ZNF595: variants seen among roughly 807,000 people sequenced by gnomAD.
The protein encoded by ZNF595 is zinc finger protein 595.
In ZNF595, 9 loss-of-function variants were observed where a neutral mutation model predicts 19.4. The observed-to-expected ratio is 0.46, with a 90% CI of 0.28 to 0.81. ZNF595 has a LOEUF of 0.81. Ranked by LOEUF, ZNF595 falls within the 30% of genes least tolerant of loss-of-function variation. The probability of loss-of-function intolerance (pLI) is 0.11; values close to 1 mark genes in which losing one functional copy is unlikely to be tolerated. For synonymous variants in ZNF595, 255 were observed against 255.9 expected, an observed-to-expected ratio of 1.00 and a Z score of 0.03; for missense variants, 729 against 736.0, an observed-to-expected ratio of 0.99 and a Z score of 0.11.
chr4:69,569 G>T (rs60903433), intron 3 of ZNF595, among the ~76,000 whole-genome samples: 3 of 151,954 alleles, frequency 2.0e-5, no homozygotes, highest in Admixed American at 6.6e-5. Context: ...AACGTTCTTT[G>T]CACATTCATA....
chr4:80,953 G>A (rs1713883777), intron 3 of ZNF595, among the ~76,000 whole-genome samples: 1 of 152,106 alleles, frequency 6.6e-6, no homozygotes, highest in Non-Finnish European at 1.5e-5. Flanking sequence ...CACTCATTAG[G>A]TATTTGTCCT....
At position 87,563 on chromosome 4, in the gene ZNF595, T is replaced by G. The variant is rs1049186029; in HGVS notation, c.*112T>G. 1 of 1,018,070 alleles carries G rather than the reference T, an allele frequency of 9.8e-7. No homozygotes were observed. Among genetic ancestry groups the G allele is most frequent in the Non-Finnish European group, 1.4e-6 (1 of 733,350 alleles). The allele number at this position is 1,018,070 out of a possible 1,614,324, so 63.1% of individuals were successfully genotyped here. The stretch of plus-strand genomic sequence containing the variant: ...TTTCTTATTTTAAATTTTTTAAAAT[T>G]TCTGTAGGTACATAGTATGTGTATC... On this transcript the variant is annotated 3_prime_UTR_variant, in exon 4 of 4. Coordinates refer to ENST00000610261, the MANE Select transcript of ZNF595 (RefSeq NM_182524.4).
At chr4:74,819 G>A (rs1314200910) in intron 3 of ZNF595, among the ~76,000 whole-genome samples, 2 of 152,168 alleles carry the variant, frequency 1.3e-5, no homozygotes, top group South Asian at 2.1e-4. Flanking sequence ...GCGGAGAGGT[G>A]ACTGAATAGA....
At chr4:69,261 G>A (rs184874875) in intron 3 of ZNF595, among the ~76,000 whole-genome samples, 1 of 152,250 alleles carries the variant, frequency 6.6e-6, no homozygotes, top group East Asian at 1.9e-4. Flanking sequence ...TACATACCTA[G>A]GAATGGGATT....
intron 3 of ZNF595, among the ~76,000 whole-genome samples, chr4:60,785 C>A (rs1712821211): frequency 6.6e-6 from 1 of 152,292 alleles, no homozygotes; most frequent in Non-Finnish European, 1.5e-5. Flanking sequence ...TTTATCAGAA[C>A]AATAAGCGTT....
intron 3 of ZNF595, among the ~76,000 whole-genome samples, chr4:66,717 G>T (rs1247352095): frequency 6.6e-6 from 1 of 152,174 alleles, no homozygotes; most frequent in Non-Finnish European, 1.5e-5. Context: ...TTATTGTGTG[G>T]TTATAGCAAC....
intron 3 of ZNF595, among the ~76,000 whole-genome samples, chr4:73,624 A>G (rs1581376068): frequency 6.6e-6 from 1 of 152,312 alleles, no homozygotes; most frequent in East Asian, 1.9e-4. Context: ...TATAACTACC[A>G]AGATTCACTA....
intron 1 of ZNF595, among the ~76,000 whole-genome samples, chr4:59,159 AGTTCACCCTTTGTTCAAGGAG>A: frequency 6.6e-6 from 1 of 151,932 alleles, no homozygotes; most frequent in South Asian, 2.1e-4. Flanking sequence ...ATGAGACGTG[AGTTCACCCTTTGTTCAAGGAG>A]GTCACAGGAC....
chr4:66,378 T>C (rs1199201715), intron 3 of ZNF595, among the ~76,000 whole-genome samples: 1 of 151,502 alleles, frequency 6.6e-6, no homozygotes, highest in Non-Finnish European at 1.5e-5. Context: ...CTGTCAAATA[T>C]ATGTATATTT....
Position 87,301 on chromosome 4 carries a change from A to C in ZNF595, c.1797A>C (p.Lys599Asn), listed in dbSNP as rs1272598241. The change falls in exon 4 of 4, where the codon AAA becomes AAC. Residue 599 changes from lysine to asparagine, a missense_variant. Coordinates refer to ENST00000610261, the MANE Select transcript of ZNF595 (RefSeq NM_182524.4). Reference protein sequence around the residue: ...EKPFTCEECGKAFNWSSSLTK... With the variant: ...EKPFTCEECGNAFNWSSSLTK... ...CCTTCACATGTGAAGAATGTGGCAAAGCCTTCAATTGGTCCTCATCCCTTA... is the reference window on the plus strand; with the variant it reads ...CCTTCACATGTGAAGAATGTGGCAACGCCTTCAATTGGTCCTCATCCCTTA... The C allele has an allele frequency of 6.2e-7, 1 of 1,613,744 alleles. No individual in the cohort carries two copies. Among genetic ancestry groups the C allele is most frequent in the Non-Finnish European group, 8.5e-7 (1 of 1,179,798 alleles).
At chr4:73,650 TC>T (rs1476482709) in intron 3 of ZNF595, among the ~76,000 whole-genome samples, 2 of 152,206 alleles carry the variant, frequency 1.3e-5, no homozygotes, top group Non-Finnish European at 1.5e-5. Flanking sequence ...CCTCCTCTTT[TC>T]CCGCACTTTC....
rs984705585 is a variant in ZNF595 at position 87,723 on chromosome 4, T to C, written c.*272T>C. The C allele has an allele frequency of 1.0e-5, 2 of 198,124 alleles. No homozygotes were observed. The highest frequency in any genetic ancestry group is 4.9e-5 in the African/African-American group (2 of 41,192). 12.3% of individuals were successfully genotyped at this position (198,124 alleles called of 1,614,324 possible). A position where few individuals can be genotyped will look rare whatever the true frequency, so the allele number is the denominator to read the frequency against. Reference sequence around the variant, plus strand: ...TCCAGTTATACACTTTAATTTTTTTTTTTTTTTTTTTTTTTGAGACAGAGT... The same window carrying C: ...TCCAGTTATACACTTTAATTTTTTTCTTTTTTTTTTTTTTTGAGACAGAGT... On this transcript the variant is annotated 3_prime_UTR_variant, in exon 4 of 4. Coordinates refer to ENST00000610261, the MANE Select transcript of ZNF595 (RefSeq NM_182524.4).
intron 1 of ZNF595, among the ~76,000 whole-genome samples, chr4:55,290 CTATGAGAAT>C (rs1581310276): frequency 6.6e-6 from 1 of 151,954 alleles, no homozygotes; most frequent in Non-Finnish European, 1.5e-5. Context: ...CCTCAGGTGC[CTATGAGAAT>C]TCAGACGTTA....
rs1487326235 is a variant in ZNF595, at chr4:66,312, C to G, written c.226+6159C>G. 2.7e-4 allele frequency among the ~76,000 whole-genome samples: 40 copies of G among 150,208 alleles called. No homozygotes were observed. The South Asian group carries it at 3.6e-3, about 14-fold the overall frequency. On this transcript the variant is annotated intron_variant, in intron 3 of 3. Coordinates refer to ENST00000610261, the MANE Select transcript of ZNF595 (RefSeq NM_182524.4). ...TTGGAGAAACATTTTCATCTCTTGT[C>G]TATTAGTCATGTAACTTTTTGTTTT...
In ZNF595 at chr4:86,281, A is replaced by G; in HGVS notation, c.777A>G (p.Glu259=). Reference sequence around the variant, plus strand: ...CTGGAGAGAAACCCTACAAATGTGAAGAATGTGGCAAAGCCTTTACAAGGT... The same window carrying G: ...CTGGAGAGAAACCCTACAAATGTGAGGAATGTGGCAAAGCCTTTACAAGGT... ...IHTGEKPYKC[E]ECGKAFTRST... Residue 259 remains glutamate, a synonymous_variant, in exon 4 of 4, where the codon GAA becomes GAG. Coordinates refer to ENST00000610261, the MANE Select transcript of ZNF595 (RefSeq NM_182524.4). 2 of 1,611,856 alleles carry G rather than the reference A, an allele frequency of 1.2e-6. No individual in the cohort carries two copies. Among genetic ancestry groups the G allele is most frequent in the South Asian group, 2.2e-5 (2 of 91,010 alleles).
At chr4:68,403 A>G (rs1713277848) in intron 3 of ZNF595, 1 of 152,370 alleles carries the variant, frequency 6.6e-6, no homozygotes, top group Admixed American at 6.5e-5. Context: ...GGAGGAGGTC[A>G]GGCTGCGCTG....
rs1560096082 is a variant in ZNF595, at chr4:87,071, CTTA to C, written c.1572_1574del (p.Ile525del). On this transcript the variant is annotated inframe_deletion, in exon 4 of 4. Coordinates refer to ENST00000610261, the MANE Select transcript of ZNF595 (RefSeq NM_182524.4). ...CAAAGCTTTTAACCAATCCTCAGGC[CTTA>C]TTATACACAGGAGCATTCATTCTGA... is the stretch of plus-strand genomic sequence containing the variant. 3.7e-6 allele frequency: 6 copies of C among 1,613,688 alleles called. No individual in the cohort carries two copies. The highest frequency in any genetic ancestry group is 2.7e-5 in the African/African-American group (2 of 74,812).
chr4:71,508 G>T (rs1713431106), intron 3 of ZNF595, among the ~76,000 whole-genome samples: 1 of 151,942 alleles, frequency 6.6e-6, no homozygotes, highest in Admixed American at 6.6e-5. Context: ...TCTTTTCCTG[G>T]TCCTAGGTTT....
At chr4:75,677 T>G (rs1292618878) in intron 3 of ZNF595, among the ~76,000 whole-genome samples, 1 of 152,194 alleles carries the variant, frequency 6.6e-6, no homozygotes, top group Non-Finnish European at 1.5e-5. Context: ...TCTGACCATT[T>G]AGTAGTTTCT....
Sources: allele counts gnomAD v4.1 joint callset (sites outside exome capture counted in the v4.1 genomes callset), GRCh38; gene constraint gnomAD v4.1.1; transcripts MANE v1.5; gene names NCBI Gene and HGNC (gene_info 2026-07-23, HGNC 2026-07-21).